SLC44A3: variants seen among roughly 807,000 people sequenced by gnomAD.
SLC44A3 encodes the protein choline transporter-like protein 3.
SLC44A3 carries 74 observed loss-of-function variants against 75.4 expected under a neutral mutation model. That is an observed-to-expected ratio of 0.98 (90% CI 0.81 to 1.19). The LOEUF (loss-of-function observed/expected upper bound fraction) is 1.19, where lower values mean the gene tolerates loss of function less well. SLC44A3 is among the 50% of genes most tolerant of loss of function. SLC44A3 has a pLI of 0.00. For synonymous variants in SLC44A3, 310 were observed against 296.9 expected, an observed-to-expected ratio of 1.04 and a Z score of -0.45; for missense variants, 700 against 778.6, an observed-to-expected ratio of 0.90 and a Z score of 1.20.
chr1:94,863,335 A>G (rs1220312357), intron 10 of SLC44A3, among the ~76,000 whole-genome samples: 1 of 152,182 alleles, frequency 6.6e-6, no homozygotes, highest in Non-Finnish European at 1.5e-5. Context: ...GTGAAACCTC[A>G]GAAAGCTGAT....
At chr1:94,849,603 T>G (rs570436302) in intron 9 of SLC44A3, among the ~76,000 whole-genome samples, 60 of 152,288 alleles carry the variant, frequency 3.9e-4, no homozygotes, top group African/African-American at 1.4e-3. Context: ...AGGCGCCAGG[T>G]GATCGGGTGG....
chr1:94,838,957 T>G (rs1344298425), intron 6 of SLC44A3: 1 of 152,218 alleles, frequency 6.6e-6, no homozygotes, highest in Non-Finnish European at 1.5e-5. Flanking sequence ...CTTCACTCAT[T>G]AAAACCTCAT....
intron 5 of SLC44A3, among the ~76,000 whole-genome samples, chr1:94,833,266 T>A (rs1354592276): frequency 6.6e-6 from 1 of 152,184 alleles, no homozygotes; most frequent in Non-Finnish European, 1.5e-5. Flanking sequence ...GCTTGGGAGA[T>A]GTCCCGGCCA....
chr1:94,835,645 A>C (rs909104599), intron 5 of SLC44A3, among the ~76,000 whole-genome samples: 1 of 152,196 alleles, frequency 6.6e-6, no homozygotes, highest in Non-Finnish European at 1.5e-5. Flanking sequence ...GTTTAAGAAT[A>C]ATCTAACCAC....
Position 94,892,505 on chromosome 1 carries a change from T to C in SLC44A3, c.1845T>C (p.Asp615=). 2 of 1,613,562 alleles carry C rather than the reference T, an allele frequency of 1.2e-6. No homozygotes were observed. The highest frequency in any genetic ancestry group is 1.7e-6 in the Non-Finnish European group (2 of 1,179,850). Residue 615 remains aspartate, a synonymous_variant, in exon 14 of 15, where the codon GAT becomes GAC. Coordinates refer to ENST00000271227, the MANE Select transcript of SLC44A3 (RefSeq NM_001114106.3). ...DGSSEKPYFM[D]QEFLSFVKRS... The stretch of plus-strand genomic sequence containing the variant: ...CGTCAGAAAAGCCCTACTTTATGGA[T>C]CAAGAATTTCTGGTAAGCAAACATT...
At chr1:94,820,715 C>T in intron 1 of SLC44A3, 1 of 1,388,104 alleles carries the variant, frequency 7.2e-7, no homozygotes, top group Non-Finnish European at 9.3e-7. Context: ...TCCTCAGGTG[C>T]ACCTCCAGGT....
At chr1:94,889,395 C>A (rs1347551573) in intron 12 of SLC44A3, 2 of 152,086 alleles carry the variant, frequency 1.3e-5, no homozygotes, top group African/African-American at 2.4e-5. Context: ...GTTATAAATT[C>A]TTGTTGTAAT....
Position 94,857,397 on chromosome 1 carries a change from A to C in SLC44A3, c.1135A>C (p.Met379Leu). 1 of 1,614,038 alleles carries C rather than the reference A, an allele frequency of 6.2e-7. No homozygotes were observed. Among genetic ancestry groups the C allele is most frequent in the African/African-American group, 1.3e-5 (1 of 75,042 alleles). ...EYKPLSGIRY[M>L]WSYHLIGLIW... The stretch of plus-strand genomic sequence containing the variant: ...TAAGCCCCTTTCGGGCATTCGGTAC[A>C]TGTGGTCGTACCATTTAATTGGCCT... The change falls in exon 10 of 15, where the codon ATG (methionine) becomes CTG (leucine). Residue 379 changes from methionine (M) to leucine (L), a missense_variant. By Grantham distance (15) the Met-to-Leu change is conservative. Coordinates refer to ENST00000271227, the MANE Select transcript of SLC44A3 (RefSeq NM_001114106.3).
At chr1:94,822,509 T>G (rs1033450791) in intron 2 of SLC44A3, among the ~76,000 whole-genome samples, 32 of 151,426 alleles carry the variant, frequency 2.1e-4, no homozygotes, top group African/African-American at 7.3e-4. Context: ...TTTTTCTGCC[T>G]CTGTTGTTCA....
chr1:94,850,777 G>C (rs1665121142), intron 9 of SLC44A3, among the ~76,000 whole-genome samples: 1 of 152,186 alleles, frequency 6.6e-6, no homozygotes, highest in Non-Finnish European at 1.5e-5. Context: ...AGGAATTAAT[G>C]TTGACCAAGG....
chr1:94,863,012 C>T (rs1030400084), intron 10 of SLC44A3, among the ~76,000 whole-genome samples: 1 of 152,130 alleles, frequency 6.6e-6, no homozygotes, highest in African/African-American at 2.4e-5. Flanking sequence ...TACCTTTGAA[C>T]ATGGAAATGA....
chr1:94,845,332 G>C lies in SLC44A3; in HGVS notation c.940G>C (p.Glu314Gln). ...VLRKRIKLTV[E>Q]LFQITNKAIS... ...CAGAAAGAGAATAAAATTGACAGTT[G>C]AGCTTTTCCAAATCACAAATAAAGC... The change falls in exon 9 of 15, where the codon GAG becomes CAG. Residue 314 changes from glutamate (E) to glutamine (Q), a missense_variant. Transcript: ENST00000271227. 1 of 1,613,878 alleles carries C rather than the reference G, an allele frequency of 6.2e-7. No homozygotes were observed. The highest frequency in any genetic ancestry group is 8.5e-7 in the Non-Finnish European group (1 of 1,179,918).
intron 5 of SLC44A3, among the ~76,000 whole-genome samples, chr1:94,832,176 A>G (rs1445109909): frequency 6.6e-6 from 1 of 151,970 alleles, no homozygotes; most frequent in South Asian, 2.1e-4. Context: ...CTAAAAAAAA[A>G]GATGCATCCC....
At chr1:94,855,149 T>G (rs1665722497) in intron 9 of SLC44A3, 1 of 151,998 alleles carries the variant, frequency 6.6e-6, no homozygotes, top group African/African-American at 2.4e-5. Context: ...TGTGCCAGGT[T>G]GGGAGGTGTG....
intron 6 of SLC44A3, 131 bp downstream of exon 6, chr1:94,838,002 C>T: frequency 1.1e-6 from 1 of 923,822 alleles, no homozygotes; most frequent in Non-Finnish European, 1.5e-6. Context: ...TAGATATTTT[C>T]AGTGTTTCAG....
intron 5 of SLC44A3, among the ~76,000 whole-genome samples, chr1:94,836,219 G>A (rs1429752998): frequency 6.6e-6 from 1 of 152,088 alleles, no homozygotes; most frequent in Non-Finnish European, 1.5e-5. Context: ...ACACTTCTTT[G>A]GTTGGGATTA....
At chr1:94,865,041 C>T (rs1390979226) in intron 11 of SLC44A3, 142 bp downstream of exon 11, 28 of 661,084 alleles carry the variant, frequency 4.2e-5, no homozygotes, top group South Asian at 2.8e-5. Context: ...TCCTCAGCTC[C>T]CATCCCCCGC....
chr1:94,870,904 C>A (rs1667694362), intron 12 of SLC44A3, among the ~76,000 whole-genome samples: 1 of 152,326 alleles, frequency 6.6e-6, no homozygotes, highest in South Asian at 2.1e-4. Flanking sequence ...TGGTCTTGAA[C>A]TCCTGACCTC....
intron 9 of SLC44A3, among the ~76,000 whole-genome samples, chr1:94,851,754 G>T (rs902273357): frequency 2.0e-5 from 3 of 152,246 alleles, no homozygotes; most frequent in Admixed American, 1.3e-4. Context: ...AATGTCAGCA[G>T]GCTGGGGCTG....
Sources: allele counts gnomAD v4.1 joint callset (sites outside exome capture counted in the v4.1 genomes callset), GRCh38; gene constraint gnomAD v4.1.1; transcripts MANE v1.5; gene names NCBI Gene and HGNC (gene_info 2026-07-23, HGNC 2026-07-21).